VPS13B: variants seen among roughly 807,000 people sequenced by gnomAD.
The protein encoded by VPS13B is vacuolar protein sorting 13 homolog B.
Under a neutral mutation model 426.4 loss-of-function variants are expected in VPS13B, and 285 were observed. The observed-to-expected ratio is 0.67, with a 90% CI of 0.61 to 0.74. The LOEUF (loss-of-function observed/expected upper bound fraction) is 0.74, where lower values mean the gene tolerates loss of function less well. Among genes scored for constraint, VPS13B ranks in the 30% least tolerant of loss-of-function variants. The pLI is 0.00. For missense variants in VPS13B, 4,537 were observed against 4,782.6 expected (o/e 0.95, Z 1.51); for synonymous variants, 1,676 against 1,676.4 (o/e 1.00, Z 0.01).
At chr8:99,631,767 A>G (rs1439488682) in intron 33 of VPS13B, among the ~76,000 whole-genome samples, 2 of 151,870 alleles carry the variant, frequency 1.3e-5, no homozygotes, top group African/African-American at 2.4e-5. Flanking sequence ...GCTTCCCCCT[A>G]GAACGTAAAC....
intron 51 of VPS13B, among the ~76,000 whole-genome samples, chr8:99,831,903 A>G (rs1474004802): frequency 2.0e-5 from 3 of 152,206 alleles, no homozygotes; most frequent in Non-Finnish European, 4.4e-5. Flanking sequence ...GATTCATAAT[A>G]TTCCCATGTC....
At chr8:99,724,251 A>G (rs1588657579) in intron 39 of VPS13B, among the ~76,000 whole-genome samples, 1 of 152,134 alleles carries the variant, frequency 6.6e-6, no homozygotes, top group Non-Finnish European at 1.5e-5. Context: ...GACACAATCA[A>G]CTCATTAAAA....
In VPS13B at chr8:99,835,220, A is replaced by G; in HGVS notation, c.9638A>G (p.Glu3213Gly). The G allele has an allele frequency of 6.2e-7, 1 of 1,614,020 alleles. No homozygotes were observed. The highest frequency in any genetic ancestry group is 8.5e-7 in the Non-Finnish European group (1 of 1,179,962). Reference protein sequence around the residue: ...CTRAIVLTYQEHLGVTYLTLS... With the variant: ...CTRAIVLTYQGHLGVTYLTLS... ...AGGGCTATAGTGCTGACATATCAAG[A>G]ACACCTCGGAGTGACTTATTTAACC... Residue 3213 changes from glutamate to glycine, a missense_variant, in exon 53 of 62, where the codon GAA becomes GGA. Glu to Gly is a moderately conservative substitution (Grantham distance 98, BLOSUM62 -2). Transcript: ENST00000357162.
chr8:99,469,416 T>C (rs987478638), intron 24 of VPS13B, among the ~76,000 whole-genome samples: 1 of 152,100 alleles, frequency 6.6e-6, no homozygotes, highest in Admixed American at 6.6e-5. Flanking sequence ...CTTCAAGCGA[T>C]CCTTCTGCTT....
At position 99,868,463 on chromosome 8, in the gene VPS13B, A is replaced by G. The variant is rs1281746742; in HGVS notation, c.11390A>G (p.Tyr3797Cys). The change falls in exon 59 of 62, where the codon TAT (tyrosine) becomes TGT (cysteine). Residue 3797 changes from tyrosine (Y) to cysteine (C), a missense_variant and splice_region_variant. This residue lies in a region of VPS13B where 4,311 missense variants were observed against 4,474.3 expected (regional missense o/e 0.96). Coordinates refer to ENST00000357162, the MANE Select transcript of VPS13B (RefSeq NM_152564.5). ...GCTGAGCTGGTGTCACAGACTGGCT[A>G]TGGTAAGTCGGTGGAAAACCCATCA... ...GAAELVSQTG[Y>C]GILHGAGLSQ... 3 of 1,609,856 alleles carry G rather than the reference A, an allele frequency of 1.9e-6. No homozygotes were observed. The highest frequency in any genetic ancestry group is 2.5e-6 in the Non-Finnish European group (3 of 1,178,132).
chr8:99,170,235 A>ATC (rs1181199573), intron 16 of VPS13B, 72 bp downstream of exon 16: 2 of 1,545,572 alleles, frequency 1.3e-6, no homozygotes, highest in Non-Finnish European at 1.8e-6. Flanking sequence ...CCCCAAATGT[A>ATC]TCTGTCTTAT....
At chr8:99,234,357 G>A in intron 17 of VPS13B, 4 of 740,206 alleles carry the variant, frequency 5.4e-6, no homozygotes, top group South Asian at 1.4e-5. Context: ...ATCGCCCACT[G>A]CAGGTGAGGA....
At position 99,136,080 on chromosome 8, in the gene VPS13B, G is replaced by A. The variant is rs866899673; in HGVS notation, c.1563+347G>A. Among the ~76,000 whole-genome samples the A allele has an allele frequency of 2.6e-5, 4 of 151,928 alleles. 1 individual carries two copies. The Middle Eastern group carries it at 0.01, about 390-fold the overall frequency. Reference sequence around the variant, plus strand: ...CTTTTTACTATCTATACTTCTTAGTGTTTTTTAAATGTAAGAATATATTAA... The same window carrying A: ...CTTTTTACTATCTATACTTCTTAGTATTTTTTAAATGTAAGAATATATTAA... On this transcript the variant is annotated intron_variant, in intron 11 of 61. Transcript: ENST00000357162.
chr8:99,259,748 G>A (rs1817947049), intron 17 of VPS13B, among the ~76,000 whole-genome samples: 1 of 152,028 alleles, frequency 6.6e-6, no homozygotes, highest in South Asian at 2.1e-4. Flanking sequence ...TTACATCCCT[G>A]AGTGTCTAGT....
chr8:99,771,497 T>A (rs1257342739), intron 40 of VPS13B, among the ~76,000 whole-genome samples: 1 of 152,206 alleles, frequency 6.6e-6, no homozygotes, highest in East Asian at 1.9e-4. Flanking sequence ...ATAAAAGAAA[T>A]CACTGTCCAC....
At chr8:99,540,022 T>C in intron 30 of VPS13B, among the ~76,000 whole-genome samples, 1 of 934 alleles carries the variant, frequency 1.1e-3, no homozygotes, top group Non-Finnish European at 2.5e-3. Context: ...ATTATATATA[T>C]ATATATATAT....
At chr8:99,858,235 A>G (rs572801382) in intron 56 of VPS13B, among the ~76,000 whole-genome samples, 33 of 152,258 alleles carry the variant, frequency 2.2e-4, no homozygotes, top group African/African-American at 7.2e-4. Flanking sequence ...CTGGGCCCTC[A>G]CTTGCCCCTC....
intron 39 of VPS13B, among the ~76,000 whole-genome samples, chr8:99,764,002 T>C (rs940762609): frequency 1.3e-5 from 2 of 152,200 alleles, no homozygotes; most frequent in African/African-American, 4.8e-5. Context: ...AGATTGAGAA[T>C]TACTTATTTA....
Position 99,143,022 on chromosome 8 carries a change from G to A in VPS13B, c.1700G>A (p.Gly567Glu), listed in dbSNP as rs141046414. The change falls in exon 13 of 62, where the codon GGA becomes GAA. Residue 567 changes from glycine to glutamate, a missense_variant. Physicochemically the swap from Gly to Glu is moderately conservative, Grantham distance 98. This residue lies in a region of VPS13B where 4,311 missense variants were observed against 4,474.3 expected (regional missense o/e 0.96). Transcript: ENST00000357162. ...DFSSGKSEDLGTVQEKSTKSL... is the reference protein window; with the variant it reads ...DFSSGKSEDLETVQEKSTKSL... ...TCTTCAGGGAAAAGTGAAGATTTGGGAACAGTTCAGGAGAAGTCCACCAAA... is the reference window on the plus strand; with the variant it reads ...TCTTCAGGGAAAAGTGAAGATTTGGAAACAGTTCAGGAGAAGTCCACCAAA... 6.7e-4 allele frequency: 1,084 copies of A among 1,613,758 alleles called. No homozygotes were observed. Among genetic ancestry groups the A allele is most frequent in the Non-Finnish European group, 8.7e-4 (1,028 of 1,179,894 alleles).
At chr8:99,574,583 GT>G (rs1397282407) in intron 31 of VPS13B, among the ~76,000 whole-genome samples, 1 of 152,134 alleles carries the variant, frequency 6.6e-6, no homozygotes, top group Non-Finnish European at 1.5e-5. Flanking sequence ...CTTTGGTTCT[GT>G]TTATATGCTG....
At chr8:99,159,152 A>G (rs766088080) in intron 15 of VPS13B, among the ~76,000 whole-genome samples, 5 of 152,198 alleles carry the variant, frequency 3.3e-5, no homozygotes, top group Non-Finnish European at 7.3e-5. Flanking sequence ...TGCAGATGTG[A>G]TGGAAATAGC....
At chr8:99,676,872 G>A (rs769932762) in intron 35 of VPS13B, among the ~76,000 whole-genome samples, 4 of 152,072 alleles carry the variant, frequency 2.6e-5, no homozygotes, top group African/African-American at 9.7e-5. Context: ...GCTCACACCT[G>A]TAATCCCAGC....
At chr8:99,488,200 A>G (rs1040851668) in intron 25 of VPS13B, among the ~76,000 whole-genome samples, 1 of 152,150 alleles carries the variant, frequency 6.6e-6, no homozygotes, top group Non-Finnish European at 1.5e-5. Flanking sequence ...GCTTAGTACT[A>G]TCCTGAATGG....
chr8:99,299,434 G>A (rs576231663), intron 19 of VPS13B, among the ~76,000 whole-genome samples: 4 of 152,188 alleles, frequency 2.6e-5, no homozygotes, highest in African/African-American at 9.6e-5. Context: ...TAAGGCTTAA[G>A]TTAAATTATG....
Sources: gnomAD v4.1 joint callset for allele counts (sites outside exome capture counted in the v4.1 genomes callset) on GRCh38, gnomAD v4.1.1 for gene constraint, gnomAD v4.1.1 regional missense constraint, MANE v1.5 for transcripts, NCBI Gene and HGNC (gene_info 2026-07-23, HGNC 2026-07-21) for gene names.